The following MMRN1 variants were observed in gnomAD, a reference collection of about 807,000 sequenced individuals.
MMRN1 encodes multimerin 1.
A neutral mutation model predicts 100.7 loss-of-function variants in MMRN1; 94 were observed. The observed-to-expected ratio is 0.93, with a 90% confidence interval of 0.79 to 1.11. MMRN1 has a LOEUF of 1.11. Ranked by LOEUF, MMRN1 falls within the 50% of genes least tolerant of loss-of-function variation. MMRN1 has a pLI of 0.00. For synonymous variants in MMRN1, 575 were observed against 505.0 expected (o/e 1.14, Z -1.86); for missense variants, 1,606 against 1,439.1 (o/e 1.12, Z -1.88).
chr4:89,909,044 ATTCTT>A (rs1168708988), intron 1 of MMRN1, among the ~76,000 whole-genome samples: 1 of 151,370 alleles, frequency 6.6e-6, no homozygotes, highest in African/African-American at 2.4e-5. Flanking sequence ...GCTTTGATTT[ATTCTT>A]TTCTTTATTT....
At chr4:89,938,219 C>T (rs1722707716) in intron 6 of MMRN1, among the ~76,000 whole-genome samples, 1 of 151,378 alleles carries the variant, frequency 6.6e-6, no homozygotes, top group Non-Finnish European at 1.5e-5. Context: ...ATGACTCCCC[C>T]AGAGTAATCT....
At chr4:89,951,464 G>A in intron 6 of MMRN1, 141 bp from the exon 7 acceptor site, 1 of 781,712 alleles carries the variant, frequency 1.3e-6, no homozygotes. Flanking sequence ...TGCCCAGATC[G>A]ACAGGCATCC....
At position 89,889,793 on chromosome 4, in the gene MMRN1, AT is replaced by A. The variant is rs756416717; in HGVS notation, c.-248-4929del. ...TCACCAATGGGGTGAAGAGAGGATG[AT>A]TAAAACACTACTTTACAATGAAAAA... On this transcript the variant is annotated intron_variant, in intron 1 of 8. Transcript: ENST00000394980. Among the ~76,000 whole-genome samples the A allele has an allele frequency of 3.9e-5, 6 of 152,110 alleles. No individual in the cohort carries two copies. In the South Asian group the frequency reaches 1.0e-3, roughly 26 times the overall value.
At chr4:89,884,189 A>C (rs148690937) in intron 1 of MMRN1, among the ~76,000 whole-genome samples, 233 of 152,204 alleles carry the variant, frequency 1.5e-3, no homozygotes, top group African/African-American at 5.3e-3. Context: ...TTTTAGATCC[A>C]ATGTGTTTCT....
At chr4:89,887,866 T>C (rs1163598952) in intron 1 of MMRN1, among the ~76,000 whole-genome samples, 1 of 151,924 alleles carries the variant, frequency 6.6e-6, no homozygotes, top group Non-Finnish European at 1.5e-5. Context: ...GCTGTGATTT[T>C]TATCTCAACA....
At chr4:89,942,070 G>A (rs757835981) in intron 6 of MMRN1, among the ~76,000 whole-genome samples, 18 of 152,216 alleles carry the variant, frequency 1.2e-4, no homozygotes, top group Non-Finnish European at 1.8e-4. Flanking sequence ...AAACCCAGAC[G>A]TTTAATGATC....
At position 89,935,591 on chromosome 4, in the gene MMRN1, G is replaced by A. The variant is rs776150670; in HGVS notation, c.1911G>A (p.Glu637=). The A allele has an allele frequency of 1.9e-6, 3 of 1,613,386 alleles. No homozygotes were observed. The East Asian group carries it at 6.7e-5, about 36-fold the overall frequency. ...ACAATAAGATGGACAAAATGAGTGA[G>A]CAACTAAATGATTTGACTTATGATA... ...PMDNKMDKMS[E]QLNDLTYDME... is the part of the protein sequence containing the mutation. Residue 637 remains glutamate (E), a synonymous_variant, in exon 6 of 8, where the codon GAG becomes GAA. Transcript: ENST00000264790.
intron 1 of MMRN1, among the ~76,000 whole-genome samples, chr4:89,907,370 C>A (rs1445980737): frequency 2.0e-5 from 3 of 151,384 alleles, no homozygotes; most frequent in Non-Finnish European, 4.4e-5. Flanking sequence ...AGATGAATGA[C>A]AATGTGGAAT....
intron 1 of MMRN1, among the ~76,000 whole-genome samples, chr4:89,882,026 C>G (rs1720830471): frequency 6.6e-6 from 1 of 151,682 alleles, no homozygotes; most frequent in Admixed American, 6.6e-5. Flanking sequence ...CTAAATAACC[C>G]TCTCAGAAAG....
intron 1 of MMRN1, among the ~76,000 whole-genome samples, chr4:89,896,179 A>G (rs1367127137): frequency 6.6e-6 from 1 of 152,138 alleles, no homozygotes; most frequent in Non-Finnish European, 1.5e-5. Context: ...CAATAAAAAT[A>G]AAACTTTGCA....
intron 1 of MMRN1, 101 bp from the exon 2 acceptor site, chr4:89,909,175 A>G (rs919303051): frequency 7.8e-7 from 1 of 1,276,960 alleles, no homozygotes; most frequent in East Asian, 2.4e-5. Context: ...TTTCTGATCT[A>G]TAGTATGGCA....
chr4:89,928,518 G>A (rs189885883), intron 5 of MMRN1, among the ~76,000 whole-genome samples: 1 of 152,230 alleles, frequency 6.6e-6, no homozygotes, highest in Non-Finnish European at 1.5e-5. Context: ...TCTTCAAACA[G>A]TGGGCTTAAA....
chr4:89,892,957 G>A (rs1195467298), upstream of MMRN1, among the ~76,000 whole-genome samples: 1 of 151,838 alleles, frequency 6.6e-6, no homozygotes, highest in Non-Finnish European at 1.5e-5. Context: ...ACTAAAGCTA[G>A]GAAAATTGGT....
At chr4:89,917,150 T>C (rs1205788244) in intron 3 of MMRN1, among the ~76,000 whole-genome samples, 1 of 151,722 alleles carries the variant, frequency 6.6e-6, no homozygotes, top group Non-Finnish European at 1.5e-5. Flanking sequence ...CTTGCCCTTG[T>C]TTCCCCAGTC....
In MMRN1 at chr4:89,936,276, G is replaced by C; in HGVS notation, c.2596G>C (p.Glu866Gln). The change falls in exon 6 of 8, where the codon GAG becomes CAG. Residue 866 changes from glutamate (E) to glutamine (Q), a missense_variant. Transcript: ENST00000264790. ...TTTTGAGACTCGGTTGCAAGACATTGAGTCTAAAGTTACCCAGACGCTCAT... is the reference window on the plus strand; with the variant it reads ...TTTTGAGACTCGGTTGCAAGACATTCAGTCTAAAGTTACCCAGACGCTCAT... ...KNFETRLQDIESKVTQTLIPY... is the reference protein window; with the variant it reads ...KNFETRLQDIQSKVTQTLIPY... 1 of 1,607,930 alleles carries C rather than the reference G, an allele frequency of 6.2e-7. No homozygotes were observed. The highest frequency in any genetic ancestry group is 8.5e-7 in the Non-Finnish European group (1 of 1,178,384).
rs1560602087 is a variant in MMRN1 at position 89,953,012 on chromosome 4, C to G, written c.3281C>G (p.Ser1094Cys). 2.5e-6 allele frequency: 4 copies of G among 1,584,444 alleles called. No homozygotes were observed. Among genetic ancestry groups the G allele is most frequent in the Non-Finnish European group, 3.4e-6 (4 of 1,166,082 alleles). Reference sequence around the variant, plus strand: ...CCTCTAACAGATTTTTCCAAAGGATCTTACAGATATGCACCCATGGTGGCA... The same window carrying G: ...CCTCTAACAGATTTTTCCAAAGGATGTTACAGATATGCACCCATGGTGGCA... ...NALAPDFSKGSYRYAPMVAFF... is the reference protein window; with the variant it reads ...NALAPDFSKGCYRYAPMVAFF... Residue 1094 changes from serine to cysteine, a missense_variant, in exon 8 of 8, where the codon TCT becomes TGT. Coordinates refer to ENST00000264790, the MANE Select transcript of MMRN1 (RefSeq NM_007351.3).
intron 6 of MMRN1, among the ~76,000 whole-genome samples, chr4:89,943,881 C>T (rs1037791245): frequency 6.6e-6 from 1 of 151,584 alleles, no homozygotes; most frequent in African/African-American, 2.4e-5. Context: ...ACTAGGGAGG[C>T]TGAGGCAGGA....
At chr4:89,952,913 T>C in intron 7 of MMRN1, 84 bp from the exon 8 acceptor site, 1 of 1,337,986 alleles carries the variant, frequency 7.5e-7, no homozygotes, top group Non-Finnish European at 1.0e-6. Flanking sequence ...TTTTTGTAAC[T>C]GAGATAAAAA....
chr4:89,944,672 A>T (rs188540728), intron 6 of MMRN1, among the ~76,000 whole-genome samples: 2 of 152,166 alleles, frequency 1.3e-5, no homozygotes, highest in Non-Finnish European at 2.9e-5. Context: ...GAGAGCATCA[A>T]TTAGAAAAGT....
Sources: allele counts gnomAD v4.1 joint callset (sites outside exome capture counted in the v4.1 genomes callset), GRCh38; gene constraint gnomAD v4.1.1; transcripts MANE v1.5; gene names NCBI Gene and HGNC (gene_info 2026-07-23, HGNC 2026-07-21).